The following ING1 variants were observed in gnomAD, a reference collection of about 807,000 sequenced individuals.
ING1 encodes inhibitor of growth family member 1, also known as inhibitor of growth protein 1.
A neutral mutation model predicts 23.1 loss-of-function variants in ING1; 4 were observed. The ratio of observed to expected loss-of-function variants is 0.17; its 90% CI spans 0.09 to 0.40. The LOEUF (loss-of-function observed/expected upper bound fraction) is 0.40, where lower values mean the gene tolerates loss of function less well. Among genes scored for constraint, ING1 ranks in the 10% least tolerant of loss-of-function variants. The probability of loss-of-function intolerance (pLI) is 1.00; values close to 1 mark genes in which losing one functional copy is unlikely to be tolerated. For missense variants in ING1, 256 were observed against 393.8 expected (o/e 0.65, Z 2.96); for synonymous variants, 179 against 166.4 (o/e 1.08, Z -0.58).
chr13:110,719,386 G>A lies in ING1; in HGVS notation c.294G>A (p.Leu98=), dbSNP rs142729511. The change falls in exon 2 of 2, where the codon CTG becomes CTA. Residue 98 remains leucine (L), a synonymous_variant. Transcript: ENST00000333219. This position sits in a 1 kb window ranked among gnomAD's most constrained non-coding sequence, Gnocchi z 8.9. ...AGATCGTGAGCCAGATGGTGGAGCT[G>A]GTGGAGAACCGCACGCGGCAGGTGG... The part of the protein sequence containing the change: ...KIQIVSQMVE[L]VENRTRQVDS... 639 of 1,610,650 alleles carry A rather than the reference G, an allele frequency of 4.0e-4. 4 individuals carry two copies. The African/African-American group carries it at 8.0e-3, about 20-fold the overall frequency.
chr13:110,716,117 G>C (rs2064120796), intron 1 of ING1: 3 of 1,207,548 alleles, frequency 2.5e-6, no homozygotes, highest in African/African-American at 3.1e-5. Flanking sequence ...TGGGGCTCCG[G>C]ACGGAAGGAA....
chr13:110,716,451 G>A (rs2064124537), intron 1 of ING1, among the ~76,000 whole-genome samples: 1 of 152,174 alleles, frequency 6.6e-6, no homozygotes, highest in Admixed American at 6.5e-5. Flanking sequence ...AGTTCTGAAA[G>A]ACTTCCACAG....
chr13:110,715,433 A>T, intron 1 of ING1: 2 of 1,569,956 alleles, frequency 1.3e-6, no homozygotes, highest in Non-Finnish European at 1.7e-6. Context: ...GCCCCCCAGT[A>T]GTTGGCTGTG....
rs2064162974 is a variant in ING1 at position 110,720,431 on chromosome 13, AG to A, written c.*501del. 1 of 167,110 alleles carries A rather than the reference AG, an allele frequency of 6.0e-6. No homozygotes were observed. The highest frequency in any genetic ancestry group is 6.5e-5 in the Admixed American group (1 of 15,282). 10.4% of individuals were successfully genotyped at this position (167,110 alleles called of 1,614,324 possible). ...AAAGTTTGAAGATTATTTTTTAAAAAGGTAAATGGTTAAATTTTACATGACA... is the reference window on the plus strand; with the variant it reads ...AAAGTTTGAAGATTATTTTTTAAAAAGTAAATGGTTAAATTTTACATGACA... On this transcript the variant is annotated 3_prime_UTR_variant, in exon 2 of 2. Transcript: ENST00000333219.
At position 110,722,054 on chromosome 13, in the gene ING1, TAAAC is replaced by T. The variant is rs1479545653; in HGVS notation, c.*2125_*2128del. ...AAGTTTGCTGATTGTTTACTTGTGA[TAAAC>T]AATTATTGTGAACTTTATTTGTGCT... On this transcript the variant is annotated 3_prime_UTR_variant, in exon 2 of 2. Transcript: ENST00000333219. The T allele has an allele frequency of 3.9e-5, 6 of 152,254 alleles. No homozygotes were observed. The highest frequency in any genetic ancestry group is 7.3e-5 in the Non-Finnish European group (5 of 68,042). 9.4% of individuals were successfully genotyped at this position (152,254 alleles called of 1,614,324 possible).
chr13:110,723,052 A>C lies in ING1; in HGVS notation c.*3120A>C, dbSNP rs950795139. ...AACCAAGTTATTACAGTTCAGATAA[A>C]GGGTCCAAAGTGTTTTCGTTATGAT... On this transcript the variant is annotated 3_prime_UTR_variant, in exon 2 of 2. Coordinates refer to ENST00000333219, the MANE Select transcript of ING1 (RefSeq NM_198219.3). 1 of 152,242 alleles carries C rather than the reference A, an allele frequency of 6.6e-6. No individual in the cohort carries two copies. Among genetic ancestry groups the C allele is most frequent in the Non-Finnish European group, 1.5e-5 (1 of 68,040 alleles). The allele number at this position is 152,242 out of a possible 1,614,324, so 9.4% of individuals were successfully genotyped here.
rs2064078863 is a variant in ING1 at position 110,714,200 on chromosome 13, G to A, written c.51G>A (p.Glu17=). The part of the protein sequence containing the change: ...GEQLHLVNYV[E]DYLDSIESLP... ...AGCTCCACCTGGTGAACTATGTGGA[G>A]GACTACCTGGACTCCATCGAGTCCC... is the stretch of plus-strand genomic sequence containing the variant. The change falls in exon 1 of 2, where the codon GAG becomes GAA. Residue 17 remains glutamate, a synonymous_variant. Coordinates refer to ENST00000333219, the MANE Select transcript of ING1 (RefSeq NM_198219.3). The A allele has an allele frequency of 1.9e-6, 3 of 1,567,904 alleles. No homozygotes were observed. The highest frequency in any genetic ancestry group is 2.6e-6 in the Non-Finnish European group (3 of 1,159,054).
chr13:110,715,830 G>A, intron 1 of ING1: 3 of 1,585,608 alleles, frequency 1.9e-6, no homozygotes, highest in African/African-American at 1.3e-5. Flanking sequence ...CCCTCTCCCC[G>A]CTCAGCCCGG....
upstream of ING1, chr13:110,713,564 C>G (rs907515258): frequency 6.1e-6 from 6 of 985,970 alleles, no homozygotes; most frequent in East Asian, 5.7e-4. Context: ...GCCTGGAGCC[C>G]GCAGCCCCCA....
chr13:110,713,523 G>T, upstream of ING1: 1 of 986,488 alleles, frequency 1.0e-6, no homozygotes, highest in East Asian at 1.1e-4. Context: ...TGGAAAAAGT[G>T]ACAGGCAAGG....
upstream of ING1, chr13:110,713,540 CCCCGCGAGGGCCGGCCTGGAG>C (rs1267355377): frequency 4.1e-6 from 4 of 986,114 alleles, no homozygotes; most frequent in Admixed American, 1.2e-4. Context: ...AAGGCCACGC[CCCCGCGAGGGCCGGCCTGGAG>C]CCCGCAGCCC....
chr13:110,715,786 C>CT (rs1566379614), intron 1 of ING1: 5 of 1,592,024 alleles, frequency 3.1e-6, no homozygotes, highest in African/African-American at 1.3e-5. Context: ...GCCTCCTCCC[C>CT]ATTGGCTGGA....
At chr13:110,713,419 C>T (rs937135315), upstream of ING1, 2 of 1,007,400 alleles carry the variant, frequency 2.0e-6, no homozygotes, top group Admixed American at 5.9e-5. Context: ...CAGGCTCTGC[C>T]TCCAAGTGCC....
chr13:110,714,134 A>T lies in ING1; in HGVS notation c.-16A>T. On this transcript the variant is annotated 5_prime_UTR_variant, in exon 1 of 2. Coordinates refer to ENST00000333219, the MANE Select transcript of ING1 (RefSeq NM_198219.3). The stretch of plus-strand genomic sequence containing the variant: ...GGAAAGCCGCGCCGAGTCGCCGGGG[A>T]CCTCCGGGGTGAACCATGTTGAGTC... 4 of 1,504,804 alleles carry T rather than the reference A, an allele frequency of 2.7e-6. No individual in the cohort carries two copies. The highest frequency in any genetic ancestry group is 2.9e-5 in the African/African-American group (2 of 69,260). The allele number at this position is 1,504,804 out of a possible 1,614,324, so 93.2% of individuals were successfully genotyped here.
upstream of ING1, chr13:110,713,295 C>G (rs565116451): frequency 3.9e-6 from 5 of 1,266,676 alleles, no homozygotes; most frequent in East Asian, 6.7e-5. Context: ...GCGGTAGTTG[C>G]TGTGTACCAT....
chr13:110,716,330 C>T (rs2064123049), intron 1 of ING1, among the ~76,000 whole-genome samples: 1 of 151,928 alleles, frequency 6.6e-6, no homozygotes, highest in South Asian at 2.1e-4. Flanking sequence ...CACAGTCCTG[C>T]CCCCCCGGGA....
At position 110,719,554 on chromosome 13, in the gene ING1, C is replaced by T. The variant is rs755560607; in HGVS notation, c.462C>T (p.Arg154=). ...KPNSKRSRRQ[R]NNENRENASS... ...ACAGCAAGCGCTCACGGCGGCAGCG[C>T]AACAACGAGAACCGTGAGAACGCGT... The change falls in exon 2 of 2, where the codon CGC becomes CGT. Residue 154 remains arginine (R), a synonymous_variant. Transcript: ENST00000333219. The surrounding 1 kb of genome is among the most constrained non-coding windows in gnomAD (Gnocchi z 8.9). 2 of 1,610,794 alleles carry T rather than the reference C, an allele frequency of 1.2e-6. No homozygotes were observed. The highest frequency in any genetic ancestry group is 1.7e-6 in the Non-Finnish European group (2 of 1,178,884).
chr13:110,713,975 AC>A lies in ING1; in HGVS notation c.-172del, dbSNP rs2064074973. On this transcript the variant is annotated 5_prime_UTR_variant, in exon 1 of 2. Coordinates refer to ENST00000333219, the MANE Select transcript of ING1 (RefSeq NM_198219.3). ...CCCTCAGGCGCTGGGGTCCCCGCGGACCCGGAGGCGGCGGACGGGCTCGGCA... is the reference window on the plus strand; with the variant it reads ...CCCTCAGGCGCTGGGGTCCCCGCGGACCGGAGGCGGCGGACGGGCTCGGCA... The A allele has an allele frequency of 9.3e-7, 1 of 1,079,178 alleles. No individual in the cohort carries two copies. Among genetic ancestry groups the A allele is most frequent in the Non-Finnish European group, 1.1e-6 (1 of 890,960 alleles). 66.9% of individuals were successfully genotyped at this position (1,079,178 alleles called of 1,614,324 possible).
intron 1 of ING1, chr13:110,715,743 C>T (rs755454632): frequency 3.8e-6 from 6 of 1,582,932 alleles, no homozygotes; most frequent in Non-Finnish European, 5.1e-6. Context: ...CCATAGGCGG[C>T]GGCTCTCGGG....
Sources: allele counts gnomAD v4.1 joint callset (sites outside exome capture counted in the v4.1 genomes callset), GRCh38; gene constraint gnomAD v4.1.1; non-coding constraint Gnocchi (gnomAD v3.1); transcripts MANE v1.5; gene names NCBI Gene and HGNC (gene_info 2026-07-23, HGNC 2026-07-21).